Variants in EDAR observed in about 807,000 individuals in gnomAD.
The protein encoded by EDAR is ectodysplasin A receptor.
A neutral mutation model predicts 51.3 loss-of-function variants in EDAR; 38 were observed. That is an observed-to-expected ratio of 0.74 (90% CI 0.57 to 0.97). The LOEUF is 0.97. Among genes scored for constraint, EDAR ranks in the 50% least tolerant of loss-of-function variants. The pLI, the probability that EDAR is intolerant of heterozygous loss-of-function variation, is 0.00. For missense variants in EDAR, 528 were observed against 595.0 expected, an observed-to-expected ratio of 0.89 and a Z score of 1.17; for synonymous variants, 227 against 242.1, an observed-to-expected ratio of 0.94 and a Z score of 0.58.
chr2:108,964,855 C>A (rs1698119060), intron 1 of EDAR, among the ~76,000 whole-genome samples: 1 of 152,150 alleles, frequency 6.6e-6, no homozygotes, highest in African/African-American at 2.4e-5. Context: ...GGAAATAATT[C>A]CACAAACTGT....
intron 1 of EDAR, among the ~76,000 whole-genome samples, chr2:108,950,035 A>C (rs578254082): frequency 2.0e-5 from 3 of 152,306 alleles, no homozygotes; most frequent in African/African-American, 7.2e-5. Context: ...TTATTCACTG[A>C]GTGCGGCCTG....
intron 5 of EDAR, among the ~76,000 whole-genome samples, chr2:108,919,252 C>T (rs1243261159): frequency 2.0e-5 from 3 of 152,198 alleles, no homozygotes; most frequent in African/African-American, 7.2e-5. Context: ...GAGATTTCTC[C>T]AAAAGGCCAG....
chr2:108,970,053 GA>G (rs1353215203), intron 1 of EDAR, among the ~76,000 whole-genome samples: 1 of 152,208 alleles, frequency 6.6e-6, no homozygotes, highest in Non-Finnish European at 1.5e-5. Flanking sequence ...ATGACGTGAT[GA>G]GTCTGGCTAA....
chr2:108,976,327 C>T (rs1698321650), intron 1 of EDAR, among the ~76,000 whole-genome samples: 1 of 152,154 alleles, frequency 6.6e-6, no homozygotes, highest in South Asian at 2.1e-4. Context: ...CAGACTGGGG[C>T]TATGGGTTTG....
chr2:108,912,572 G>A (rs1696946993), intron 6 of EDAR, 106 bp downstream of exon 6: 6 of 1,103,878 alleles, frequency 5.4e-6, no homozygotes, highest in Non-Finnish European at 8.0e-6. Flanking sequence ...GGCCAGGTGG[G>A]GAAGCGCACC....
intron 1 of EDAR, among the ~76,000 whole-genome samples, chr2:108,973,830 C>T (rs541629325): frequency 6.6e-6 from 1 of 152,294 alleles, no homozygotes; most frequent in Non-Finnish European, 1.5e-5. Flanking sequence ...GCCCCACAGA[C>T]TTTTGGTTTT....
intron 5 of EDAR, among the ~76,000 whole-genome samples, chr2:108,917,759 C>G (rs998700906): frequency 1.1e-4 from 16 of 152,036 alleles, no homozygotes; most frequent in African/African-American, 3.9e-4. Flanking sequence ...CTGCCACTGT[C>G]ACTACACATA....
chr2:108,905,084 G>A (rs759917409), intron 11 of EDAR, among the ~76,000 whole-genome samples: 1 of 152,198 alleles, frequency 6.6e-6, no homozygotes, highest in Non-Finnish European at 1.5e-5. Context: ...ACAGATGCCT[G>A]GGATTCACCC....
chr2:108,964,754 C>G (rs1698117427), intron 1 of EDAR, among the ~76,000 whole-genome samples: 1 of 152,212 alleles, frequency 6.6e-6, no homozygotes, highest in African/African-American at 2.4e-5. Context: ...CACTAAGTGA[C>G]AGCAGGCAGC....
rs200644532 is a variant in EDAR, at chr2:108,898,374, G to C, written c.1025-1145C>G. On this transcript the variant is annotated intron_variant, in intron 11 of 11. Transcript: ENST00000258443. Reference sequence around the variant, plus strand: ...CAGTAAAAAGGAATCCCCCTTGAGTGTTAGTGAAGGTTGAGTGGGGAATTT... The same window carrying C: ...CAGTAAAAAGGAATCCCCCTTGAGTCTTAGTGAAGGTTGAGTGGGGAATTT... Among the ~76,000 whole-genome samples the C allele has an allele frequency of 9.2e-5, 14 of 152,296 alleles. No homozygotes were observed. In the East Asian group the frequency reaches 2.7e-3, roughly 29 times the overall value.
At chr2:108,905,450 T>C (rs1696783264) in intron 11 of EDAR, among the ~76,000 whole-genome samples, 1 of 150,554 alleles carries the variant, frequency 6.6e-6, no homozygotes, top group South Asian at 2.1e-4. Context: ...TCACCCACAG[T>C]ATAGTTATTT....
chr2:108,904,337 C>T (rs931103047), intron 11 of EDAR, among the ~76,000 whole-genome samples: 5 of 152,166 alleles, frequency 3.3e-5, no homozygotes, highest in African/African-American at 1.2e-4. Context: ...TATGGAGAAA[C>T]TAGACCGTTC....
intron 1 of EDAR, among the ~76,000 whole-genome samples, chr2:108,947,273 C>G (rs1317875579): frequency 1.3e-5 from 2 of 152,230 alleles, no homozygotes; most frequent in Admixed American, 6.5e-5. Flanking sequence ...CTCTGTGGCT[C>G]TGCAGGGTAC....
intron 1 of EDAR, among the ~76,000 whole-genome samples, chr2:108,974,347 A>G (rs1158042761): frequency 1.3e-5 from 2 of 150,454 alleles, no homozygotes; most frequent in African/African-American, 2.5e-5. Flanking sequence ...AAAAAAAAAA[A>G]AAAAAAAGAA....
In EDAR at chr2:108,959,877, C is replaced by A. The variant is rs73952572; in HGVS notation, c.-18-28845G>T. Among the ~76,000 whole-genome samples the A allele has an allele frequency of 5.8e-3, 878 of 152,278 alleles. 9 individuals are homozygous for A. The highest frequency in any genetic ancestry group is 0.02 in the African/African-American group (820 of 41,552). Reference sequence around the variant, plus strand: ...AAAAATACTCGCACATACATACAAGCACACACATATCCAAGTGAAACCAAC... The same window carrying A: ...AAAAATACTCGCACATACATACAAGAACACACATATCCAAGTGAAACCAAC... On this transcript the variant is annotated intron_variant, in intron 1 of 11. Transcript: ENST00000258443.
At chr2:108,935,060 T>C (rs1697440680) in intron 1 of EDAR, among the ~76,000 whole-genome samples, 1 of 152,214 alleles carries the variant, frequency 6.6e-6, no homozygotes, top group Non-Finnish European at 1.5e-5. Flanking sequence ...CCTGTAGGCA[T>C]TTCATGATAT....
intron 1 of EDAR, among the ~76,000 whole-genome samples, chr2:108,963,424 T>TA (rs1698091555): frequency 6.6e-6 from 1 of 152,110 alleles, no homozygotes; most frequent in African/African-American, 2.4e-5. Context: ...CAAGGACATT[T>TA]AAAAAAATTG....
intron 1 of EDAR, among the ~76,000 whole-genome samples, chr2:108,981,242 C>T (rs1487612932): frequency 6.6e-6 from 1 of 152,154 alleles, no homozygotes; most frequent in African/African-American, 2.4e-5. Context: ...GGGCCTGTGT[C>T]CACCTGAGGC....
intron 5 of EDAR, among the ~76,000 whole-genome samples, chr2:108,916,699 G>A (rs1203893791): frequency 6.6e-6 from 1 of 152,160 alleles, no homozygotes; most frequent in Non-Finnish European, 1.5e-5. Flanking sequence ...GCACGTGTGC[G>A]CAGCCGAGGA....
Sources: allele counts gnomAD v4.1 joint callset (sites outside exome capture counted in the v4.1 genomes callset), GRCh38; gene constraint gnomAD v4.1.1; transcripts MANE v1.5; gene names NCBI Gene and HGNC (gene_info 2026-07-23, HGNC 2026-07-21).